The following TET3 variants were observed in gnomAD, a reference collection of about 807,000 sequenced individuals.
TET3 encodes the protein methylcytosine dioxygenase TET3.
TET3 carries 19 observed loss-of-function variants against 141.4 expected under a neutral mutation model. The observed-to-expected ratio is 0.13, with a 90% CI of 0.09 to 0.20. TET3 has a LOEUF of 0.20. Ranked by LOEUF, TET3 falls within the 10% of genes least tolerant of loss-of-function variation. The pLI is 1.00. For missense variants in TET3, 1,874 were observed against 2,356.9 expected (o/e 0.80, Z 4.24); for synonymous variants, 1,043 against 980.9 (o/e 1.06, Z -1.18).
intron 10 of TET3, among the ~76,000 whole-genome samples, chr2:74,096,949 T>A (rs1690871420): frequency 6.6e-6 from 1 of 151,612 alleles, no homozygotes; most frequent in South Asian, 2.1e-4. Context: ...AAAAATTTGC[T>A]GGGCGTGGTT....
chr2:74,123,540 G>A, the TET3 span, among the ~76,000 whole-genome samples: 5 of 152,210 alleles, frequency 3.3e-5, no homozygotes, highest in Admixed American at 6.5e-5. Flanking sequence ...GGAGGGATTC[G>A]GTAACCCCAG....
At chr2:74,000,143 G>A (rs760882740) in intron 2 of TET3, among the ~76,000 whole-genome samples, 1 of 152,148 alleles carries the variant, frequency 6.6e-6, no homozygotes, top group Non-Finnish European at 1.5e-5. Flanking sequence ...TCACAGTTCA[G>A]TTCTGGCAGG....
At chr2:74,117,471 G>A in the TET3 span, among the ~76,000 whole-genome samples, 2 of 151,878 alleles carry the variant, frequency 1.3e-5, no homozygotes, top group Non-Finnish European at 2.9e-5. Flanking sequence ...CCTCCTGTGA[G>A]GCTCAAGTGA....
the TET3 span, among the ~76,000 whole-genome samples, chr2:74,133,105 G>A: frequency 6.9e-6 from 1 of 145,328 alleles, no homozygotes; most frequent in African/African-American, 2.6e-5. Flanking sequence ...GTTGAGACAA[G>A]GTTTCACCAT....
intron 3 of TET3, among the ~76,000 whole-genome samples, chr2:74,010,004 G>A (rs1038537372): frequency 7.2e-5 from 11 of 152,248 alleles, no homozygotes; most frequent in Admixed American, 5.9e-4. Flanking sequence ...CTACCTGATG[G>A]TTGAGCTGTA....
chr2:74,077,522 C>A (rs1689576294), intron 5 of TET3, among the ~76,000 whole-genome samples: 1 of 152,164 alleles, frequency 6.6e-6, no homozygotes, highest in Non-Finnish European at 1.5e-5. Flanking sequence ...CTAGAAGGGC[C>A]TCTTCATGAT....
chr2:74,120,920 C>A, the TET3 span: 1 of 152,070 alleles, frequency 6.6e-6, no homozygotes, highest in African/African-American at 2.4e-5. Context: ...TCTTTGAGGT[C>A]TTGAACTTTC....
At chr2:73,992,383 A>G (rs1279422872) in intron 2 of TET3, among the ~76,000 whole-genome samples, 1 of 147,560 alleles carries the variant, frequency 6.8e-6, no homozygotes, top group Non-Finnish European at 1.5e-5. Flanking sequence ...GCGTGATCTT[A>G]GCTCACTGCA....
chr2:74,061,505 C>T (rs1487430202), intron 4 of TET3, among the ~76,000 whole-genome samples: 2 of 146,716 alleles, frequency 1.4e-5, no homozygotes, highest in Non-Finnish European at 3.0e-5. Context: ...GGGCGGCTGG[C>T]TGGGCAGAGG....
intron 4 of TET3, among the ~76,000 whole-genome samples, chr2:74,070,102 G>A (rs1325922257): frequency 6.6e-6 from 1 of 152,118 alleles, no homozygotes; most frequent in Non-Finnish European, 1.5e-5. Flanking sequence ...GGATCTCTAA[G>A]CAGTATAGTT....
chr2:74,022,932 C>T (rs1374472570), intron 3 of TET3, among the ~76,000 whole-genome samples: 12 of 152,272 alleles, frequency 7.9e-5, no homozygotes, highest in South Asian at 6.2e-4. Context: ...CTCGCCATCA[C>T]GCCTGGCTAA....
chr2:74,066,440 G>A (rs1688905496), intron 4 of TET3, among the ~76,000 whole-genome samples: 1 of 152,182 alleles, frequency 6.6e-6, no homozygotes, highest in African/African-American at 2.4e-5. Flanking sequence ...TATAGTATCT[G>A]TAATATATAT....
intron 4 of TET3, among the ~76,000 whole-genome samples, chr2:74,065,709 C>G (rs766313376): frequency 7.3e-6 from 1 of 137,416 alleles, no homozygotes; most frequent in Non-Finnish European, 1.6e-5. Context: ...TTCTTTCTTT[C>G]TTTCCTTCTT....
intron 10 of TET3, among the ~76,000 whole-genome samples, chr2:74,094,096 G>A (rs193250318): frequency 2.0e-5 from 3 of 152,370 alleles, no homozygotes; most frequent in African/African-American, 7.2e-5. Context: ...GCCCAAGTAT[G>A]TGTGGGAATG....
chr2:74,036,075 G>A (rs1687041526), intron 3 of TET3, among the ~76,000 whole-genome samples: 1 of 152,124 alleles, frequency 6.6e-6, no homozygotes, highest in Non-Finnish European at 1.5e-5. Context: ...ATACCCTCTC[G>A]CGGTGCTTAC....
the TET3 span, chr2:74,123,340 CACACGCGCTG>C: frequency 6.6e-6 from 1 of 152,310 alleles, no homozygotes; most frequent in African/African-American, 2.4e-5. Context: ...ATAAATAGGC[CACACGCGCTG>C]GCTCACGCCT....
intron 3 of TET3, among the ~76,000 whole-genome samples, chr2:74,026,197 C>T (rs1686343871): frequency 6.9e-6 from 1 of 144,560 alleles, no homozygotes; most frequent in Non-Finnish European, 1.5e-5. Context: ...GGGATGGAGG[C>T]CATCGCTGGG....
chr2:74,032,499 G>GCGCGCGCGCGCGCGCGA (rs1686799444), intron 3 of TET3, among the ~76,000 whole-genome samples: 1 of 120,242 alleles, frequency 8.3e-6, no homozygotes, highest in African/African-American at 3.5e-5. Flanking sequence ...GTGTGTGTGT[G>GCGCGCGCGCGCGCGCGA]TGTGTGTGTT....
At chr2:74,120,342 G>A in the TET3 span, among the ~76,000 whole-genome samples, 3 of 152,250 alleles carry the variant, frequency 2.0e-5, no homozygotes, top group Non-Finnish European at 1.5e-5. Flanking sequence ...CGGGGTCCCA[G>A]CCCGGCAGGA....
Sources: allele counts gnomAD v4.1 joint callset (sites outside exome capture counted in the v4.1 genomes callset), GRCh38; gene constraint gnomAD v4.1.1; transcripts MANE v1.5; gene names NCBI Gene and HGNC (gene_info 2026-07-23, HGNC 2026-07-21).